KIAA1217: variants seen among roughly 807,000 people sequenced by gnomAD.
KIAA1217 encodes the protein KIAA1217.
A neutral mutation model predicts 163.9 loss-of-function variants in KIAA1217; 88 were observed. That is an observed-to-expected ratio of 0.54 (90% CI 0.45 to 0.64). KIAA1217 has a LOEUF of 0.64. KIAA1217 is among the 30% of genes least tolerant of loss of function. The probability of loss-of-function intolerance (pLI) is 0.00; values close to 1 mark genes in which losing one functional copy is unlikely to be tolerated. For synonymous variants in KIAA1217, 903 were observed against 923.1 expected, an observed-to-expected ratio of 0.98 and a Z score of 0.39; for missense variants, 2,372 against 2,475.0, an observed-to-expected ratio of 0.96 and a Z score of 0.88.
At chr10:23,771,392 A>G (rs2130880726) in intron 1 of KIAA1217, among the ~76,000 whole-genome samples, 1 of 152,346 alleles carries the variant, frequency 6.6e-6, no homozygotes, top group Admixed American at 6.5e-5. Context: ...AGACTTGGGA[A>G]AATGTATGTT....
rs1039862060 is a variant in KIAA1217, at chr10:24,515,193, G to A, written c.2177+1759G>A. Among the ~76,000 whole-genome samples, 9 of 151,584 alleles carry A rather than the reference G, an allele frequency of 5.9e-5. No individual in the cohort carries two copies. The East Asian group carries it at 1.6e-3, about 27-fold the overall frequency. The stretch of plus-strand genomic sequence containing the variant: ...GCCTATTCTCCTATGTCAGCCTCCC[G>A]AGTAGCTGGGATTACAGGTGCACAC... On this transcript the variant is annotated intron_variant, in intron 10 of 20. Transcript: ENST00000376454.
intron 2 of KIAA1217, chr10:24,157,834 A>C: frequency 1.9e-6 from 1 of 512,826 alleles, no homozygotes; most frequent in Admixed American, 3.3e-5. Context: ...TTCCTGATGC[A>C]ATGGCAGCCT....
chr10:24,419,623 A>G (rs1427492200), intron 3 of KIAA1217, among the ~76,000 whole-genome samples: 1 of 152,184 alleles, frequency 6.6e-6, no homozygotes, highest in East Asian at 1.9e-4. Flanking sequence ...CAAATGCTAT[A>G]TAGGTTTTTG....
intron 1 of KIAA1217, among the ~76,000 whole-genome samples, chr10:23,751,533 T>C (rs1839739173): frequency 6.6e-6 from 1 of 152,132 alleles, no homozygotes; most frequent in African/African-American, 2.4e-5. Flanking sequence ...AGCTAAAATG[T>C]CTTTTTTTTA....
At chr10:24,393,000 T>C (rs2055193580) in intron 3 of KIAA1217, among the ~76,000 whole-genome samples, 1 of 152,194 alleles carries the variant, frequency 6.6e-6, no homozygotes, top group Non-Finnish European at 1.5e-5. Flanking sequence ...TTTTCAGATA[T>C]GATCCTTTAG....
Position 23,774,129 on chromosome 10 carries a change from G to A in KIAA1217, c.-321+78895G>A, listed in dbSNP as rs527909201. On this transcript the variant is annotated intron_variant, in intron 1 of 18. Transcript: ENST00000376462. ...GATAGCTCTTATTATTTTGAGATATGTCCCATCAATACCTAATTTATCAAA... is the reference window on the plus strand; with the variant it reads ...GATAGCTCTTATTATTTTGAGATATATCCCATCAATACCTAATTTATCAAA... 3.5e-4 allele frequency among the ~76,000 whole-genome samples: 53 copies of A among 152,188 alleles called. 2 individuals are homozygous for A. In the East Asian group the frequency reaches 9.3e-3, roughly 27 times the overall value.
At chr10:24,286,184 T>C (rs1213981023) in intron 2 of KIAA1217, among the ~76,000 whole-genome samples, 3 of 152,296 alleles carry the variant, frequency 2.0e-5, no homozygotes, top group Admixed American at 1.3e-4. Flanking sequence ...TTGTGTTCTT[T>C]GGTGAGGTGG....
At chr10:23,904,123 C>A (rs1207542529) in intron 1 of KIAA1217, among the ~76,000 whole-genome samples, 3 of 151,994 alleles carry the variant, frequency 2.0e-5, no homozygotes, top group Admixed American at 6.6e-5. Flanking sequence ...TGATGATGAA[C>A]CATTATTATG....
intron 2 of KIAA1217, among the ~76,000 whole-genome samples, chr10:24,088,516 A>C (rs554964969): frequency 9.7e-6 from 1 of 102,758 alleles, no homozygotes; most frequent in East Asian, 2.2e-4. Flanking sequence ...TCATTGTTCA[A>C]TTCCCACCTA....
intron 2 of KIAA1217, among the ~76,000 whole-genome samples, chr10:24,200,117 T>C (rs1335211955): frequency 6.6e-6 from 1 of 152,006 alleles, no homozygotes; most frequent in East Asian, 1.9e-4. Context: ...CTACGCGGTC[T>C]GCTCTGCTGA....
chr10:24,227,776 C>T (rs548640103), intron 2 of KIAA1217, among the ~76,000 whole-genome samples: 4 of 152,216 alleles, frequency 2.6e-5, no homozygotes, highest in Non-Finnish European at 5.9e-5. Flanking sequence ...TCATGATCCA[C>T]CCACCTCGGC....
chr10:24,342,720 G>A (rs56108238), intron 2 of KIAA1217, among the ~76,000 whole-genome samples: 14,657 of 143,208 alleles, frequency 0.1, 760 homozygotes, highest in African/African-American at 0.14. Context: ...GTACAGTGGC[G>A]CAATCTCGGC....
chr10:23,934,593 A>ATATATATG, intron 1 of KIAA1217, among the ~76,000 whole-genome samples: 1 of 64,936 alleles, frequency 1.5e-5, no homozygotes, highest in East Asian at 2.9e-4. Context: ...ATATATATGT[A>ATATATATG]TATATATATA....
intron 1 of KIAA1217, among the ~76,000 whole-genome samples, chr10:23,818,000 TATATATATACACAC>T (rs1478223016): frequency 9.7e-5 from 10 of 103,204 alleles, no homozygotes; most frequent in South Asian, 8.6e-4. Context: ...TATATATATA[TATATATATACACAC>T]ATATATATAC....
At chr10:23,947,024 A>AT (rs1213607563) in intron 1 of KIAA1217, among the ~76,000 whole-genome samples, 1 of 151,852 alleles carries the variant, frequency 6.6e-6, no homozygotes, top group Non-Finnish European at 1.5e-5. Flanking sequence ...GCTTTTCCCC[A>AT]TTTTGCTTGA....
chr10:24,098,634 T>G (rs1271252935), intron 2 of KIAA1217, among the ~76,000 whole-genome samples: 1 of 151,910 alleles, frequency 6.6e-6, no homozygotes, highest in Non-Finnish European at 1.5e-5. Flanking sequence ...GGGGAATGGA[T>G]TTAAGGTAAA....
intron 1 of KIAA1217, among the ~76,000 whole-genome samples, chr10:23,770,271 C>T (rs770287975): frequency 1.8e-4 from 27 of 152,282 alleles, no homozygotes; most frequent in South Asian, 8.3e-4. Flanking sequence ...TCTTCTACAC[C>T]AGACACTGTC....
intron 1 of KIAA1217, among the ~76,000 whole-genome samples, chr10:23,941,980 C>T (rs186272771): frequency 1.0e-5 from 1 of 99,720 alleles, no homozygotes; most frequent in Non-Finnish European, 2.3e-5. Flanking sequence ...AATTCAACTG[C>T]CTGCTAGAAC....
intron 1 of KIAA1217, among the ~76,000 whole-genome samples, chr10:23,846,112 C>A (rs1191007039): frequency 6.6e-6 from 1 of 152,126 alleles, no homozygotes; most frequent in South Asian, 2.1e-4. Flanking sequence ...GGTACCAGTA[C>A]CATGCTGTTT....
Sources: allele counts gnomAD v4.1 joint callset (sites outside exome capture counted in the v4.1 genomes callset), GRCh38; gene constraint gnomAD v4.1.1; transcripts MANE v1.5; gene names NCBI Gene and HGNC (gene_info 2026-07-23, HGNC 2026-07-21).